USP34: variants seen among roughly 807,000 people sequenced by gnomAD.
USP34 encodes ubiquitin specific peptidase 34, also known as ubiquitin carboxyl-terminal hydrolase 34.
In USP34, 70 loss-of-function variants were observed where a neutral mutation model predicts 460.3. That is an observed-to-expected ratio of 0.15 (90% CI 0.13 to 0.19). USP34 has a LOEUF of 0.19. Among genes scored for constraint, USP34 ranks in the 10% least tolerant of loss-of-function variants. USP34 has a pLI of 1.00. For synonymous variants in USP34, 1,647 were observed against 1,405.3 expected, an observed-to-expected ratio of 1.17 and a Z score of -3.85; for missense variants, 3,985 against 4,236.2, an observed-to-expected ratio of 0.94 and a Z score of 1.65.
intron 2 of USP34, among the ~76,000 whole-genome samples, chr2:61,407,881 G>A (rs970631129): frequency 3.3e-5 from 5 of 152,100 alleles, no homozygotes; most frequent in African/African-American, 4.8e-5. Context: ...TTGGGAGGCC[G>A]AGGTGCATGG....
Position 61,401,585 on chromosome 2 carries a change from G to C in USP34, c.552+4123C>G, listed in dbSNP as rs545804511. ...TTTTTTTGAGACAGAGTCTCACTCT[G>C]TCACCTAGGGTGGAGTGCAGTGGCA... On this transcript the variant is annotated intron_variant, in intron 3 of 79. Coordinates refer to ENST00000398571, the MANE Select transcript of USP34 (RefSeq NM_014709.4). 2.2e-4 allele frequency among the ~76,000 whole-genome samples: 24 copies of C among 109,822 alleles called. No individual in the cohort carries two copies. The South Asian group carries it at 2.8e-3, about 13-fold the overall frequency. The allele number at this position is 109,822 out of a possible 152,430, so 72.0% of individuals were successfully genotyped here.
chr2:61,455,035 C>T (rs995797684), intron 1 of USP34, among the ~76,000 whole-genome samples: 2 of 151,910 alleles, frequency 1.3e-5, no homozygotes, highest in African/African-American at 2.4e-5. Flanking sequence ...GCACACGCCA[C>T]AATGCTAAGC....
chr2:61,311,987 T>C, intron 25 of USP34, 77 bp from the exon 26 acceptor site: 1 of 1,531,988 alleles, frequency 6.5e-7, no homozygotes, highest in Non-Finnish European at 8.8e-7. Flanking sequence ...TTTTATCATC[T>C]TACAGACTGG....
chr2:61,373,938 T>C (rs10165349), intron 8 of USP34, among the ~76,000 whole-genome samples: 80,169 of 151,926 alleles, frequency 0.53, 21,471 homozygotes, highest in South Asian at 0.74. Context: ...GTGGACTGCT[T>C]GAGGTCAGGA....
At chr2:61,467,470 T>C (rs1695807603) in intron 1 of USP34, among the ~76,000 whole-genome samples, 1 of 151,942 alleles carries the variant, frequency 6.6e-6, no homozygotes, top group Admixed American at 6.6e-5. Flanking sequence ...GTTGCTTTAA[T>C]ACTAATTACG....
intron 48 of USP34, among the ~76,000 whole-genome samples, chr2:61,251,614 T>C (rs1365467853): frequency 6.6e-6 from 1 of 152,232 alleles, no homozygotes; most frequent in East Asian, 1.9e-4. Flanking sequence ...AGTATCTTTT[T>C]ACTCTTCATC....
At chr2:61,317,104 G>C (rs1432607535) in intron 23 of USP34, among the ~76,000 whole-genome samples, 3 of 152,098 alleles carry the variant, frequency 2.0e-5, no homozygotes, top group Non-Finnish European at 2.9e-5. Context: ...ATGTCTAGGA[G>C]ACTCAAAGAA....
intron 76 of USP34, among the ~76,000 whole-genome samples, chr2:61,191,729 T>C (rs1447989866): frequency 6.6e-6 from 1 of 152,000 alleles, no homozygotes; most frequent in Non-Finnish European, 1.5e-5. Context: ...GAGAAAGCAA[T>C]AGGGAGCAAT....
chr2:61,407,240 G>T (rs191208837), intron 2 of USP34, among the ~76,000 whole-genome samples: 1 of 152,068 alleles, frequency 6.6e-6, no homozygotes, highest in Non-Finnish European at 1.5e-5. Flanking sequence ...AAAAATTAAA[G>T]AATCAGCTAG....
At chr2:61,358,079 C>G (rs1362806615) in intron 10 of USP34, among the ~76,000 whole-genome samples, 1 of 152,070 alleles carries the variant, frequency 6.6e-6, no homozygotes, top group Non-Finnish European at 1.5e-5. Flanking sequence ...GTAGTCCCAG[C>G]TACTCAGGAG....
intron 1 of USP34, among the ~76,000 whole-genome samples, chr2:61,453,527 T>C (rs973119872): frequency 2.0e-5 from 3 of 151,636 alleles, no homozygotes; most frequent in African/African-American, 4.8e-5. Context: ...CTCGCCAATA[T>C]GGTGAAACCC....
chr2:61,429,860 G>C (rs55762504), intron 1 of USP34, among the ~76,000 whole-genome samples: 3 of 151,966 alleles, frequency 2.0e-5, no homozygotes, highest in Non-Finnish European at 4.4e-5. Context: ...TCAGGAGTTC[G>C]AGACCAGTCT....
chr2:61,285,537 C>T (rs2103965926), intron 34 of USP34, among the ~76,000 whole-genome samples: 1 of 147,640 alleles, frequency 6.8e-6, no homozygotes, highest in East Asian at 2.0e-4. Flanking sequence ...AAAGAAATTA[C>T]TAAGAATTTA....
At chr2:61,437,818 A>AAATAAATAAATAAAT (rs1558594196) in intron 1 of USP34, among the ~76,000 whole-genome samples, 5 of 76,272 alleles carry the variant, frequency 6.6e-5, no homozygotes, top group Non-Finnish European at 9.0e-5. Flanking sequence ...AATAAATAAA[A>AAATAAATAAATAAAT]AACCTGAACA....
At position 61,222,627 on chromosome 2, in the gene USP34, T is replaced by C; in HGVS notation, c.7786A>G (p.Thr2596Ala). The part of the protein sequence containing the change: ...SMLFTSIAKL[T>A]PEAANPFFKL... ...AACAAATGTTTACATACCTCAGGAGTCAACTTTGCTATTGATGTGAAAAGC... is the reference window on the plus strand; with the variant it reads ...AACAAATGTTTACATACCTCAGGAGCCAACTTTGCTATTGATGTGAAAAGC... The change falls in exon 65 of 80, where the codon ACT becomes GCT. Residue 2596 changes from threonine (T) to alanine (A), a missense_variant. Physicochemically the swap from Thr to Ala is moderately conservative, Grantham distance 58. Coordinates refer to ENST00000398571, the MANE Select transcript of USP34 (RefSeq NM_014709.4). 1 of 1,611,956 alleles carries C rather than the reference T, an allele frequency of 6.2e-7. No individual in the cohort carries two copies.
chr2:61,400,670 C>T (rs961563439), intron 3 of USP34, among the ~76,000 whole-genome samples: 1 of 151,918 alleles, frequency 6.6e-6, no homozygotes, highest in African/African-American at 2.4e-5. Context: ...GGAAACAGAG[C>T]AAGACCCTGC....
intron 10 of USP34, among the ~76,000 whole-genome samples, chr2:61,353,335 GAACA>G (rs1191741595): frequency 6.6e-6 from 1 of 150,922 alleles, no homozygotes; most frequent in East Asian, 1.9e-4. Flanking sequence ...AAAAAGGAAA[GAACA>G]AAAAGTCCAC....
In USP34 at chr2:61,220,405, G is replaced by C; in HGVS notation, c.7952C>G (p.Pro2651Arg). The C allele has an allele frequency of 6.2e-7, 1 of 1,613,722 alleles. No homozygotes were observed. The highest frequency in any genetic ancestry group is 8.5e-7 in the Non-Finnish European group (1 of 1,179,846). The change falls in exon 67 of 80, where the codon CCC becomes CGC. Residue 2651 changes from proline to arginine, a missense_variant. Around this residue, in one of 14 missense-constraint regions of USP34, gnomAD observed 604 missense variants for 684.8 expected, o/e 0.88. Transcript: ENST00000398571. ...CCAGCTGTGTGCCAGTTTATTTCGG[G>C]GTGTCTGCACTGCCAACCAATCTAG... Reference protein sequence around the residue: ...QCLDWLAVQTPRNKLAHSWVL... With the variant: ...QCLDWLAVQTRRNKLAHSWVL...
intron 20 of USP34, among the ~76,000 whole-genome samples, 178 bp from the exon 21 acceptor site, chr2:61,325,635 C>T (rs1362396298): frequency 1.3e-5 from 2 of 152,066 alleles, no homozygotes; most frequent in Non-Finnish European, 2.9e-5. Flanking sequence ...AAAATTTATA[C>T]TATTTAATAA....
Sources: gnomAD v4.1 joint callset for allele counts (sites outside exome capture counted in the v4.1 genomes callset) on GRCh38, gnomAD v4.1.1 for gene constraint, gnomAD v4.1.1 regional missense constraint, MANE v1.5 for transcripts, NCBI Gene and HGNC (gene_info 2026-07-23, HGNC 2026-07-21) for gene names.